Variants in PCSK6 observed in about 807,000 individuals in gnomAD.
The protein encoded by PCSK6 is paired basic amino acid cleaving enzyme 4.
A neutral mutation model predicts 123.3 loss-of-function variants in PCSK6; 85 were observed. The observed-to-expected ratio is 0.69, with a 90% CI of 0.58 to 0.83. PCSK6 has a LOEUF of 0.83. Among genes scored for constraint, PCSK6 ranks in the 40% least tolerant of loss-of-function variants. PCSK6 has a pLI of 0.00. For missense variants in PCSK6, 1,191 were observed against 1,282.3 expected, an observed-to-expected ratio of 0.93 and a Z score of 1.09; for synonymous variants, 508 against 516.0, an observed-to-expected ratio of 0.98 and a Z score of 0.21.
At chr15:101,415,414 T>C (rs988336108) in intron 6 of PCSK6, among the ~76,000 whole-genome samples, 4 of 152,250 alleles carry the variant, frequency 2.6e-5, no homozygotes, top group East Asian at 1.9e-4. Context: ...CCAGAGCTTC[T>C]AAGCTTTCAT....
In PCSK6 at chr15:101,474,750, C is replaced by T. The variant is rs925495182; in HGVS notation, c.297+14624G>A. ...GGCCAATGGAGGCACCAGAAGGAGG[C>T]TGCACCCTACTCAGCTCCAGCTCCC... On this transcript the variant is annotated intron_variant, in intron 1 of 21. Transcript: ENST00000611716. 3.9e-5 allele frequency among the ~76,000 whole-genome samples: 6 copies of T among 152,290 alleles called. No homozygotes were observed. The East Asian group carries it at 1.2e-3, about 29-fold the overall frequency.
chr15:101,323,034 G>C (rs915860227), intron 17 of PCSK6, among the ~76,000 whole-genome samples: 37 of 152,268 alleles, frequency 2.4e-4, no homozygotes, highest in Non-Finnish European at 5.0e-4. Context: ...GGCTGCTCTA[G>C]ATGGTGAGAC....
intron 4 of PCSK6, 116 bp downstream of exon 4, chr15:101,431,204 T>G (rs1240543324): frequency 9.6e-7 from 1 of 1,041,860 alleles, no homozygotes; most frequent in East Asian, 2.5e-5. Context: ...TTTTCTTTAC[T>G]GCCTAACTTA....
At chr15:101,474,429 G>GT (rs1359255322) in intron 1 of PCSK6, among the ~76,000 whole-genome samples, 1 of 152,194 alleles carries the variant, frequency 6.6e-6, no homozygotes, top group East Asian at 1.9e-4. Context: ...GATCACTGGG[G>GT]TGCGCAGCCT....
At chr15:101,466,701 T>C (rs2057468692) in intron 1 of PCSK6, among the ~76,000 whole-genome samples, 1 of 152,010 alleles carries the variant, frequency 6.6e-6, no homozygotes, top group South Asian at 2.1e-4. Flanking sequence ...TGTTATAAAA[T>C]GGATGAACCT....
At chr15:101,315,469 G>A (rs777599271) in intron 19 of PCSK6, among the ~76,000 whole-genome samples, 20 of 152,202 alleles carry the variant, frequency 1.3e-4, no homozygotes, top group Non-Finnish European at 2.4e-4. Flanking sequence ...AGAGCAGAAC[G>A]GGCTGTGCTT....
At chr15:101,469,145 G>A (rs2057539537) in intron 1 of PCSK6, among the ~76,000 whole-genome samples, 2 of 151,942 alleles carry the variant, frequency 1.3e-5, no homozygotes, top group Non-Finnish European at 2.9e-5. Flanking sequence ...ATTACAGGGA[G>A]AAAAAACACT....
rs752671790 is a variant in PCSK6 at position 101,331,673 on chromosome 15, G to T, written c.2055C>A (p.Gly685=). ...TACTGGTCTGTAAAATATTAGCAGAGCCTGGGGTGGATTGAGCTGTGTGAG... is the reference window on the plus strand; with the variant it reads ...TACTGGTCTGTAAAATATTAGCAGATCCTGGGGTGGATTGAGCTGTGTGAG... ...EEDYTAQSTP[G]SANILQTSVC... The change falls in exon 15 of 22, where the codon GGC becomes GGA. Residue 685 remains glycine (G), a synonymous_variant. Transcript: ENST00000611716. 2 of 1,613,632 alleles carry T rather than the reference G, an allele frequency of 1.2e-6. No individual in the cohort carries two copies. The highest frequency in any genetic ancestry group is 4.5e-5 in the East Asian group (2 of 44,880).
chr15:101,453,611 C>T (rs2057094187), intron 1 of PCSK6, among the ~76,000 whole-genome samples: 1 of 152,202 alleles, frequency 6.6e-6, no homozygotes, highest in African/African-American at 2.4e-5. Context: ...TTAATAATGG[C>T]AACTCATTGT....
intron 13 of PCSK6, among the ~76,000 whole-genome samples, chr15:101,353,918 T>A (rs886161213): frequency 3.9e-5 from 6 of 152,126 alleles, no homozygotes; most frequent in African/African-American, 1.4e-4. Flanking sequence ...AAAAGGAGAA[T>A]CTAAACACTC....
Position 101,382,141 on chromosome 15 carries a change from C to T in PCSK6, c.1483G>A (p.Ala495Thr), listed in dbSNP as rs1324938825. The T allele has an allele frequency of 6.2e-7, 1 of 1,612,734 alleles. No individual in the cohort carries two copies. Among genetic ancestry groups the T allele is most frequent in the Admixed American group, 1.7e-5 (1 of 59,836 alleles). ...ALVVEAKKWTAVPSQHMCVAA... is the reference protein window; with the variant it reads ...ALVVEAKKWTTVPSQHMCVAA... ...ACACACATGTGCTGCGATGGCACTG[C>T]TGTCCACTTCTTTGCCTCCACAACG... The change falls in exon 11 of 22, where the codon GCA (alanine) becomes ACA (threonine). Residue 495 changes from alanine (A) to threonine (T), a missense_variant. Ala to Thr is a moderately conservative substitution (Grantham distance 58). Around this residue, in one of 3 missense-constraint regions of PCSK6, gnomAD observed 630 missense variants for 631.4 expected, o/e 1.00. Transcript: ENST00000611716.
At chr15:101,433,042 G>A (rs1045203539) in intron 2 of PCSK6, among the ~76,000 whole-genome samples, 1 of 152,216 alleles carries the variant, frequency 6.6e-6, no homozygotes, top group African/African-American at 2.4e-5. Context: ...AGCATGATTT[G>A]TTTTCACGAT....
intron 1 of PCSK6, among the ~76,000 whole-genome samples, chr15:101,474,933 T>C (rs1164045135): frequency 6.6e-6 from 1 of 152,212 alleles, no homozygotes; most frequent in African/African-American, 2.4e-5. Flanking sequence ...AGTGGGTCAT[T>C]GAAGGTGAGT....
intron 19 of PCSK6, among the ~76,000 whole-genome samples, chr15:101,317,658 G>A (rs758139712): frequency 1.4e-4 from 21 of 152,148 alleles, no homozygotes; most frequent in Non-Finnish European, 2.6e-4. Context: ...TGTCCGCGCC[G>A]TTCCACAGCA....
At chr15:101,423,415 CA>C (rs1178707646) in intron 6 of PCSK6, among the ~76,000 whole-genome samples, 2 of 152,014 alleles carry the variant, frequency 1.3e-5, no homozygotes, top group Non-Finnish European at 2.9e-5. Flanking sequence ...CATGTGCCAC[CA>C]CACCTGGCTG....
At chr15:101,483,421 C>T (rs1567260288) in intron 1 of PCSK6, among the ~76,000 whole-genome samples, 1 of 152,208 alleles carries the variant, frequency 6.6e-6, no homozygotes, top group African/African-American at 2.4e-5. Context: ...AAGGCAAGTT[C>T]AAGATCATTT....
chr15:101,373,323 C>G (rs1206873278), intron 11 of PCSK6, among the ~76,000 whole-genome samples: 5 of 152,192 alleles, frequency 3.3e-5, no homozygotes, highest in Non-Finnish European at 5.9e-5. Flanking sequence ...GCTAGGAGCC[C>G]AGCAGCCTCC....
rs1364360865 is a variant in PCSK6 at position 101,443,561 on chromosome 15, G to A, written c.397C>T (p.Pro133Ser). The A allele has an allele frequency of 1.9e-6, 3 of 1,609,224 alleles. No homozygotes were observed. Among genetic ancestry groups the A allele is most frequent in the Non-Finnish European group, 2.6e-6 (3 of 1,175,548 alleles). The change falls in exon 2 of 22, where the codon CCC becomes TCC. Residue 133 changes from proline to serine, a missense_variant. Around this residue, in one of 3 missense-constraint regions of PCSK6, gnomAD observed 204 missense variants for 166.4 expected, o/e 1.23. Coordinates refer to ENST00000611716, the MANE Select transcript of PCSK6 (RefSeq NM_002570.5). ...RGPHTFLRMD[P>S]QVKWLQQQEV... Reference sequence around the variant, plus strand: ...AGCATCCGGACACTCTGTACCTGGGGGTCCATTCTGAGGAAGGTGTGAGGG... The same window carrying A: ...AGCATCCGGACACTCTGTACCTGGGAGTCCATTCTGAGGAAGGTGTGAGGG...
chr15:101,476,960 C>A (rs562137759), intron 1 of PCSK6, among the ~76,000 whole-genome samples: 44 of 152,266 alleles, frequency 2.9e-4, no homozygotes, highest in Non-Finnish European at 5.1e-4. Context: ...GGACCCAGGG[C>A]ATGTGGGGCG....
Sources: allele counts gnomAD v4.1 joint callset (sites outside exome capture counted in the v4.1 genomes callset), GRCh38; gene constraint gnomAD v4.1.1; regional missense constraint gnomAD v4.1.1; transcripts MANE v1.5; gene names NCBI Gene and HGNC (gene_info 2026-07-23, HGNC 2026-07-21).